Variants in RARB observed in about 807,000 individuals in gnomAD.
RARB encodes the protein HBV-activated protein.
A neutral mutation model predicts 51.9 loss-of-function variants in RARB; 17 were observed. The observed-to-expected ratio is 0.33, with a 90% CI of 0.22 to 0.49. The LOEUF is 0.49. RARB is among the 20% of genes least tolerant of loss of function. RARB has a pLI of 0.99. For synonymous variants in RARB, 215 were observed against 195.4 expected (o/e 1.10, Z -0.84); for missense variants, 369 against 550.8 (o/e 0.67, Z 3.30).
At chr3:25,114,418 A>G (rs1699652759) in intron 3 of RARB, among the ~76,000 whole-genome samples, 1 of 148,638 alleles carries the variant, frequency 6.7e-6, no homozygotes, top group Admixed American at 6.7e-5. Context: ...CTCTGAAAGT[A>G]TCCTTGAGTT....
intron 5 of RARB, among the ~76,000 whole-genome samples, chr3:25,355,573 T>C (rs1705708293): frequency 1.3e-5 from 2 of 151,968 alleles, no homozygotes; most frequent in Admixed American, 6.6e-5. Flanking sequence ...TGAGCCTGAT[T>C]TAACCTTTTA....
intron 3 of RARB, among the ~76,000 whole-genome samples, chr3:25,067,256 G>A (rs1289257591): frequency 1.3e-5 from 2 of 152,180 alleles, no homozygotes; most frequent in East Asian, 3.9e-4. Flanking sequence ...TATGAAAAAC[G>A]AAAGTGAGCA....
chr3:25,296,971 G>T (rs1412647049), intron 5 of RARB, among the ~76,000 whole-genome samples: 1 of 152,148 alleles, frequency 6.6e-6, no homozygotes, highest in Non-Finnish European at 1.5e-5. Context: ...AAGATTCCTA[G>T]AGACTTTGAG....
chr3:25,223,646 A>G (rs1701994869), intron 5 of RARB, among the ~76,000 whole-genome samples: 2 of 152,198 alleles, frequency 1.3e-5, no homozygotes, highest in African/African-American at 4.8e-5. Context: ...ACATTAATAG[A>G]TGTTCATCAT....
chr3:24,919,637 C>T (rs1185716510), intron 2 of RARB, among the ~76,000 whole-genome samples: 1 of 152,196 alleles, frequency 6.6e-6, no homozygotes, highest in Admixed American at 6.5e-5. Flanking sequence ...TTGTTCTTTG[C>T]TCAATTAAAC....
At chr3:25,356,565 G>A (rs943274862) in intron 5 of RARB, among the ~76,000 whole-genome samples, 3 of 151,670 alleles carry the variant, frequency 2.0e-5, no homozygotes, top group Non-Finnish European at 4.4e-5. Flanking sequence ...TGCAGAATGC[G>A]CAGGTTTGTT....
At chr3:24,898,025 G>C (rs1703515661) in intron 2 of RARB, among the ~76,000 whole-genome samples, 1 of 152,118 alleles carries the variant, frequency 6.6e-6, no homozygotes, top group Non-Finnish European at 1.5e-5. Flanking sequence ...AGGAAAGAAA[G>C]ACTTTAGACC....
intron 3 of RARB, among the ~76,000 whole-genome samples, chr3:25,108,496 G>A (rs950955615): frequency 2.0e-5 from 3 of 152,098 alleles, no homozygotes; most frequent in Non-Finnish European, 4.4e-5. Flanking sequence ...GATAAATAAC[G>A]GTGGGAGGTT....
chr3:25,066,700 A>G (rs1698670906), intron 3 of RARB, among the ~76,000 whole-genome samples: 1 of 152,092 alleles, frequency 6.6e-6, no homozygotes, highest in Admixed American at 6.6e-5. Flanking sequence ...AAAATCCCCA[A>G]TTACAAAAAT....
chr3:25,334,437 G>A (rs966481411), intron 5 of RARB, among the ~76,000 whole-genome samples: 1 of 152,046 alleles, frequency 6.6e-6, no homozygotes, highest in African/African-American at 2.4e-5. Context: ...GGACAGAAAA[G>A]CAAACACCGC....
chr3:24,862,523 T>A (rs1278507775), intron 2 of RARB, among the ~76,000 whole-genome samples: 1 of 152,162 alleles, frequency 6.6e-6, no homozygotes, highest in Non-Finnish European at 1.5e-5. Context: ...ATTCTTAGTA[T>A]CACAATAAAA....
At chr3:25,234,577 C>A (rs951817448) in intron 5 of RARB, among the ~76,000 whole-genome samples, 1 of 151,966 alleles carries the variant, frequency 6.6e-6, no homozygotes, top group African/African-American at 2.4e-5. Context: ...TGGGGGTGAA[C>A]CTGGAACCTG....
chr3:25,090,866 T>G (rs1212178602), intron 3 of RARB, among the ~76,000 whole-genome samples: 2 of 152,116 alleles, frequency 1.3e-5, no homozygotes, highest in African/African-American at 2.4e-5. Flanking sequence ...ATTTTTCATG[T>G]GGGGGAAAGA....
At chr3:25,215,008 G>A (rs1490205447) in intron 5 of RARB, among the ~76,000 whole-genome samples, 1 of 152,180 alleles carries the variant, frequency 6.6e-6, no homozygotes, top group African/African-American at 2.4e-5. Flanking sequence ...TATGTCCAGT[G>A]AGTACCAGGT....
intron 5 of RARB, among the ~76,000 whole-genome samples, chr3:25,329,196 T>C (rs1704816961): frequency 6.6e-6 from 1 of 152,156 alleles, no homozygotes; most frequent in African/African-American, 2.4e-5. Flanking sequence ...AGCACGGAGT[T>C]TGAGATCTGA....
intron 2 of RARB, among the ~76,000 whole-genome samples, chr3:24,991,238 C>T (rs1696903224): frequency 6.6e-6 from 1 of 152,112 alleles, no homozygotes; most frequent in Non-Finnish European, 1.5e-5. Context: ...GTCAGGAGTT[C>T]AAGACCAGCC....
At chr3:24,968,790 T>A (rs1322928354) in intron 2 of RARB, among the ~76,000 whole-genome samples, 2 of 152,124 alleles carry the variant, frequency 1.3e-5, no homozygotes, top group African/African-American at 4.8e-5. Context: ...AAGCAAGTCA[T>A]GTGACTAAGC....
Position 25,496,249 on chromosome 3 carries a change from C to T in RARB, c.307-4933C>T, listed in dbSNP as rs146379042. Among the ~76,000 whole-genome samples the T allele has an allele frequency of 1.7e-3, 266 of 152,348 alleles. 2 individuals are homozygous for T. Among genetic ancestry groups the T allele is most frequent in the African/African-American group, 6.2e-3 (256 of 41,586 alleles). On this transcript the variant is annotated intron_variant, in intron 2 of 7. Coordinates refer to ENST00000330688, the MANE Select transcript of RARB (RefSeq NM_000965.5). ...TCTGTCCCAGCCCTGAGCTATTCAG[C>T]TGGTGTGTCCCAGTACAATTTATTA...
rs1029484274 is a variant in RARB, at chr3:24,874,913, C to T, written c.-380+16161C>T. Among the ~76,000 whole-genome samples, 3 of 152,138 alleles carry T rather than the reference C, an allele frequency of 2.0e-5. No individual in the cohort carries two copies. The Middle Eastern group carries it at 0.01, about 517-fold the overall frequency. ...TCTACTACACTAAAAGTTATACGCTCATTTCCCTCCTTTTAGTTGTTACAT... is the reference window on the plus strand; with the variant it reads ...TCTACTACACTAAAAGTTATACGCTTATTTCCCTCCTTTTAGTTGTTACAT... On this transcript the variant is annotated intron_variant, in intron 2 of 11. Coordinates refer to the RARB transcript ENST00000383772.
Sources: allele counts gnomAD v4.1 joint callset (sites outside exome capture counted in the v4.1 genomes callset), GRCh38; gene constraint gnomAD v4.1.1; transcripts MANE v1.5; gene names NCBI Gene and HGNC (gene_info 2026-07-23, HGNC 2026-07-21).